AFG2A: variants seen among roughly 807,000 people sequenced by gnomAD.
AFG2A encodes ATPase family gene 2 protein homolog A.
the AFG2A span, among the ~76,000 whole-genome samples, chr4:123,187,414 G>A: frequency 0.1 from 15,798 of 152,172 alleles, 913 homozygotes; most frequent in Middle Eastern, 0.21. Context: ...CAACGTATTA[G>A]TTGTTATCGC....
chr4:122,949,693 C>A, the AFG2A span, among the ~76,000 whole-genome samples: 1 of 152,136 alleles, frequency 6.6e-6, no homozygotes, highest in East Asian at 1.9e-4. Flanking sequence ...CTGGCAGCAG[C>A]CTGATGCCTG....
chr4:123,195,964 C>G, the AFG2A span, among the ~76,000 whole-genome samples: 3 of 151,488 alleles, frequency 2.0e-5, no homozygotes, highest in African/African-American at 4.8e-5. Flanking sequence ...TCTTCCTCAT[C>G]CTTCCATTCA....
the AFG2A span, among the ~76,000 whole-genome samples, chr4:123,240,446 A>G: frequency 1.2e-4 from 18 of 152,352 alleles, no homozygotes; most frequent in Admixed American, 3.9e-4. Context: ...CCACAGTGCA[A>G]TGAAATTAGA....
At chr4:123,140,911 T>G in the AFG2A span, among the ~76,000 whole-genome samples, 1 of 152,186 alleles carries the variant, frequency 6.6e-6, no homozygotes, top group Non-Finnish European at 1.5e-5. Context: ...AAAAAAATGC[T>G]CGTGTCATTT....
At chr4:123,111,676 T>C in the AFG2A span, among the ~76,000 whole-genome samples, 135 of 152,338 alleles carry the variant, frequency 8.9e-4, no homozygotes, top group Middle Eastern at 6.8e-3. Flanking sequence ...ATTCATACTT[T>C]AATATTATAC....
chr4:123,311,404 G>T, the AFG2A span, among the ~76,000 whole-genome samples: 1 of 152,036 alleles, frequency 6.6e-6, no homozygotes, highest in Non-Finnish European at 1.5e-5. Context: ...AAGGCGGGCG[G>T]ATCACAAGGT....
chr4:122,945,350 G>T, the AFG2A span, among the ~76,000 whole-genome samples: 1 of 152,218 alleles, frequency 6.6e-6, no homozygotes, highest in Non-Finnish European at 1.5e-5. Flanking sequence ...GGGCAATGGC[G>T]GGCGCCCCTC....
At chr4:122,954,088 G>A in the AFG2A span, among the ~76,000 whole-genome samples, 1 of 152,136 alleles carries the variant, frequency 6.6e-6, no homozygotes, top group Non-Finnish European at 1.5e-5. Flanking sequence ...AGGAGATATG[G>A]GGATACTGCC....
At chr4:122,953,430 C>A in the AFG2A span, among the ~76,000 whole-genome samples, 1 of 152,212 alleles carries the variant, frequency 6.6e-6, no homozygotes, top group African/African-American at 2.4e-5. Context: ...GCTCTAGTAT[C>A]CACTAGGGCA....
At chr4:123,306,560 CT>C in the AFG2A span, among the ~76,000 whole-genome samples, 7 of 146,556 alleles carry the variant, frequency 4.8e-5, no homozygotes, top group African/African-American at 1.3e-4. Flanking sequence ...ATTTTTTTTT[CT>C]TTTTTTTTTC....
At chr4:123,220,520 A>G in the AFG2A span, among the ~76,000 whole-genome samples, 2 of 151,360 alleles carry the variant, frequency 1.3e-5, no homozygotes, top group East Asian at 1.9e-4. Flanking sequence ...AGGCTGAGAC[A>G]AAGGAAGTGC....
At chr4:123,252,575 T>C in the AFG2A span, among the ~76,000 whole-genome samples, 1 of 152,268 alleles carries the variant, frequency 6.6e-6, no homozygotes, top group African/African-American at 2.4e-5. Flanking sequence ...TACTGATTTA[T>C]AAATACTGGG....
chr4:123,154,647 G>A, the AFG2A span, among the ~76,000 whole-genome samples: 1 of 152,296 alleles, frequency 6.6e-6, no homozygotes, highest in Non-Finnish European at 1.5e-5. Flanking sequence ...TAGTAGCTGT[G>A]TAACCACAGC....
chr4:123,069,544 C>G, the AFG2A span, among the ~76,000 whole-genome samples: 1 of 152,110 alleles, frequency 6.6e-6, no homozygotes, highest in Admixed American at 6.6e-5. Flanking sequence ...GGTATAGATT[C>G]AAGAAACCAA....
the AFG2A span, among the ~76,000 whole-genome samples, chr4:123,037,549 G>A: frequency 2.0e-5 from 3 of 151,954 alleles, no homozygotes; most frequent in Admixed American, 6.6e-5. Context: ...GAGCAAATAC[G>A]GGACTGAGAC....
chr4:123,016,571 G>C, the AFG2A span, among the ~76,000 whole-genome samples: 24,084 of 150,800 alleles, frequency 0.16, 2,360 homozygotes, highest in East Asian at 0.44. Context: ...GATGGCGGCC[G>C]GGTAGAGGTG....
chr4:123,245,213 G>A, the AFG2A span, among the ~76,000 whole-genome samples: 2 of 152,112 alleles, frequency 1.3e-5, no homozygotes, highest in Non-Finnish European at 2.9e-5. Flanking sequence ...AACAGGAGAC[G>A]ATGCTGGGAA....
chr4:123,061,297 C>T, the AFG2A span, among the ~76,000 whole-genome samples: 1 of 152,186 alleles, frequency 6.6e-6, no homozygotes, highest in African/African-American at 2.4e-5. Context: ...CAGCAGCACC[C>T]CACTCTACCG....
the AFG2A span, among the ~76,000 whole-genome samples, chr4:123,217,864 A>C: frequency 3.3e-5 from 5 of 152,134 alleles, no homozygotes; most frequent in Admixed American, 6.6e-5. Context: ...GTTTTAATTT[A>C]TTCACTGAGA....
Sources: gnomAD v4.1 joint callset for allele counts (sites outside exome capture counted in the v4.1 genomes callset) on GRCh38, gnomAD v4.1.1 for gene constraint, MANE v1.5 for transcripts, NCBI Gene and HGNC (gene_info 2026-07-23, HGNC 2026-07-21) for gene names.